Variants in PLEKHA3 observed in about 807,000 individuals in gnomAD.
PLEKHA3 encodes pleckstrin homology domain containing A3.
PLEKHA3 carries 19 observed loss-of-function variants against 39.2 expected under a neutral mutation model. The ratio of observed to expected loss-of-function variants is 0.48; its 90% CI spans 0.34 to 0.71. The LOEUF (loss-of-function observed/expected upper bound fraction) is 0.71, where lower values mean the gene tolerates loss of function less well. Ranked by LOEUF, PLEKHA3 falls within the 30% of genes least tolerant of loss-of-function variation. The probability of loss-of-function intolerance (pLI) is 0.01; values close to 1 mark genes in which losing one functional copy is unlikely to be tolerated. For missense variants in PLEKHA3, 253 were observed against 359.5 expected (o/e 0.70, Z 2.40); for synonymous variants, 97 against 118.6 (o/e 0.82, Z 1.18).
At chr2:178,485,567 T>C (rs533671034) in intron 1 of PLEKHA3, 74 bp from the exon 2 acceptor site, 1 of 906,598 alleles carries the variant, frequency 1.1e-6, no homozygotes, top group African/African-American at 1.7e-5. Context: ...ATGGCAGGTT[T>C]TGAAATCACA....
chr2:178,512,479 T>C lies in PLEKHA3; in HGVS notation c.*8592T>C, dbSNP rs1263652744. 6.6e-6 allele frequency: 1 copy of C among 152,248 alleles called. No individual in the cohort carries two copies. Among genetic ancestry groups the C allele is most frequent in the Admixed American group, 6.5e-5 (1 of 15,288 alleles). 9.4% of individuals were successfully genotyped at this position (152,248 alleles called of 1,614,324 possible). Reference sequence around the variant, plus strand: ...AGGGTGCTGTTGATAATCTCTGTGCTTTTGCAAGTTTGGCACAAAGACTTT... The same window carrying C: ...AGGGTGCTGTTGATAATCTCTGTGCCTTTGCAAGTTTGGCACAAAGACTTT... On this transcript the variant is annotated 3_prime_UTR_variant, in exon 8 of 8. Coordinates refer to ENST00000234453, the MANE Select transcript of PLEKHA3 (RefSeq NM_019091.4).
At chr2:178,494,069 C>T in intron 4 of PLEKHA3, 80 bp downstream of exon 4, 1 of 1,464,430 alleles carries the variant, frequency 6.8e-7, no homozygotes, top group Non-Finnish European at 9.2e-7. Flanking sequence ...CATAAGATGA[C>T]AGGCATTTTC....
intron 3 of PLEKHA3, among the ~76,000 whole-genome samples, chr2:178,491,850 C>T (rs1047166053): frequency 6.6e-6 from 1 of 151,872 alleles, no homozygotes; most frequent in African/African-American, 2.4e-5. Context: ...CATAGCATGG[C>T]GGAGGAAGCA....
rs1685627866 is a variant in PLEKHA3 at position 178,507,785 on chromosome 2, T to C, written c.*3898T>C. 1 of 151,782 alleles carries C rather than the reference T, an allele frequency of 6.6e-6. No individual in the cohort carries two copies. Among genetic ancestry groups the C allele is most frequent in the Non-Finnish European group, 1.5e-5 (1 of 67,622 alleles). 9.4% of individuals were successfully genotyped at this position (151,782 alleles called of 1,614,324 possible). ...TACAGGTCTGAAAATGTCTCTACTC[T>C]TGATTGGTAGTTTGGAGTCTGGAAA... On this transcript the variant is annotated 3_prime_UTR_variant, in exon 8 of 8. Transcript: ENST00000234453.
chr2:178,489,152 T>C lies in PLEKHA3; in HGVS notation c.158-1507T>C, dbSNP rs559362915. On this transcript the variant is annotated intron_variant, in intron 2 of 7. Coordinates refer to ENST00000234453, the MANE Select transcript of PLEKHA3 (RefSeq NM_019091.4). ...AAGTAGCAAGGAAGAGTTACTCTTA[T>C]AGCTTTAGGAGTTCAGTAGTTTTAC... The C allele has an allele frequency of 2.1e-5, 6 of 289,484 alleles. No individual in the cohort carries two copies. In the East Asian group the frequency reaches 3.0e-4, roughly 14 times the overall value. The allele number at this position is 289,484 out of a possible 1,614,324, so 17.9% of individuals were successfully genotyped here.
At chr2:178,503,118 A>G (rs754958842) in intron 7 of PLEKHA3, among the ~76,000 whole-genome samples, 1 of 152,056 alleles carries the variant, frequency 6.6e-6, no homozygotes, top group Non-Finnish European at 1.5e-5. Context: ...GGTAAACTCA[A>G]ACTATATATA....
At position 178,481,054 on chromosome 2, in the gene PLEKHA3, C is replaced by G. The variant is rs545346223; in HGVS notation, c.40+145C>G. 1.0e-5 allele frequency: 7 copies of G among 703,412 alleles called. No homozygotes were observed. The South Asian group carries it at 3.9e-4, about 40-fold the overall frequency. The allele number at this position is 703,412 out of a possible 1,614,324, so 43.6% of individuals were successfully genotyped here. A position where few individuals can be genotyped will look rare whatever the true frequency, so the allele number is the denominator to read the frequency against. ...CGATTCCAGGGCTTGTTGAGTCCTT[C>G]TGGCCTCTTCAGGGGAGGGTTTGAG... On this transcript the variant is annotated intron_variant, in intron 1 of 7. Coordinates refer to ENST00000234453, the MANE Select transcript of PLEKHA3 (RefSeq NM_019091.4).
In PLEKHA3 at chr2:178,487,630, G is replaced by T. The variant is rs1685270940; in HGVS notation, c.157+1873G>T. Among the ~76,000 whole-genome samples the T allele has an allele frequency of 2.6e-5, 4 of 152,124 alleles. No homozygotes were observed. In the South Asian group the frequency reaches 8.3e-4, roughly 32 times the overall value. On this transcript the variant is annotated intron_variant, in intron 2 of 7. Coordinates refer to ENST00000234453, the MANE Select transcript of PLEKHA3 (RefSeq NM_019091.4). ...ATTTTTATGTTTTTTGTAGAGATGG[G>T]ATTTCACCGTGTTGCAAAAACCAGG...
chr2:178,486,588 G>A (rs1335628904), intron 2 of PLEKHA3, among the ~76,000 whole-genome samples: 1 of 144,064 alleles, frequency 6.9e-6, no homozygotes, highest in Non-Finnish European at 1.5e-5. Flanking sequence ...CCATACATAA[G>A]TGTTGTCTTT....
At position 178,511,955 on chromosome 2, in the gene PLEKHA3, T is replaced by C. The variant is rs540703994; in HGVS notation, c.*8068T>C. 1 of 152,362 alleles carries C rather than the reference T, an allele frequency of 6.6e-6. No homozygotes were observed. Among genetic ancestry groups the C allele is most frequent in the African/African-American group, 2.4e-5 (1 of 41,578 alleles). The allele number at this position is 152,362 out of a possible 1,614,324, so 9.4% of individuals were successfully genotyped here. ...TTCCCCAAAAAGTTTTTTGTTGGTC[T>C]CTTTGGTAATAAAACATTTAGAGCA... On this transcript the variant is annotated 3_prime_UTR_variant, in exon 8 of 8. Transcript: ENST00000234453.
At chr2:178,497,951 A>T (rs1685473236) in intron 5 of PLEKHA3, among the ~76,000 whole-genome samples, 1 of 151,704 alleles carries the variant, frequency 6.6e-6, no homozygotes, top group South Asian at 2.1e-4. Flanking sequence ...TTTTTTTTTT[A>T]AATAACATTG....
intron 4 of PLEKHA3, among the ~76,000 whole-genome samples, chr2:178,495,115 G>C (rs1685420358): frequency 6.6e-6 from 1 of 152,086 alleles, no homozygotes; most frequent in African/African-American, 2.4e-5. Flanking sequence ...GAATTGTACT[G>C]CCACTAATTA....
intron 4 of PLEKHA3, 100 bp from the exon 5 acceptor site, chr2:178,495,396 A>C: frequency 9.1e-7 from 1 of 1,103,700 alleles, no homozygotes; most frequent in Admixed American, 2.3e-5. Flanking sequence ...ATAACATAGT[A>C]ATGTGTCTGT....
At chr2:178,482,983 C>T (rs1451684040) in intron 1 of PLEKHA3, among the ~76,000 whole-genome samples, 1 of 152,094 alleles carries the variant, frequency 6.6e-6, no homozygotes, top group Non-Finnish European at 1.5e-5. Context: ...GTTGTTCAGG[C>T]ACGGTGGCTC....
At position 178,507,385 on chromosome 2, in the gene PLEKHA3, G is replaced by T. The variant is rs770759749; in HGVS notation, c.*3498G>T. 1.3e-5 allele frequency: 2 copies of T among 152,040 alleles called. No homozygotes were observed. Among genetic ancestry groups the T allele is most frequent in the Non-Finnish European group, 2.9e-5 (2 of 68,002 alleles). The allele number at this position is 152,040 out of a possible 1,614,324, so 9.4% of individuals were successfully genotyped here. ...ATCATTATTTCCTTTTTACTAGAAT[G>T]TTATTTTTTCTGGGGTTGGTATTGC... On this transcript the variant is annotated 3_prime_UTR_variant, in exon 8 of 8. Coordinates refer to ENST00000234453, the MANE Select transcript of PLEKHA3 (RefSeq NM_019091.4).
chr2:178,501,271 A>G lies in PLEKHA3; in HGVS notation c.775+95A>G, dbSNP rs1221425829. On this transcript the variant is annotated intron_variant, in intron 7 of 7. Transcript: ENST00000234453. ...TGGAAATGAAGTATACTGACTGAACATTGTACTTTGTTTCTTTGATTCCTT... is the reference window on the plus strand; with the variant it reads ...TGGAAATGAAGTATACTGACTGAACGTTGTACTTTGTTTCTTTGATTCCTT... The G allele has an allele frequency of 8.1e-6, 7 of 859,688 alleles. No homozygotes were observed. The East Asian group carries it at 1.8e-4, about 22-fold the overall frequency. The allele number at this position is 859,688 out of a possible 1,614,324, so 53.3% of individuals were successfully genotyped here. A position where few individuals can be genotyped will look rare whatever the true frequency, so the allele number is the denominator to read the frequency against.
intron 2 of PLEKHA3, among the ~76,000 whole-genome samples, chr2:178,486,113 A>G (rs1326985040): frequency 6.6e-6 from 1 of 152,132 alleles, no homozygotes; most frequent in African/African-American, 2.4e-5. Context: ...TGGAGGCTGA[A>G]CTCTAAAGAT....
intron 1 of PLEKHA3, among the ~76,000 whole-genome samples, chr2:178,482,226 G>A (rs908310084): frequency 3.3e-5 from 5 of 152,108 alleles, no homozygotes; most frequent in Admixed American, 3.3e-4. Flanking sequence ...CAGTTATACT[G>A]TTTGGTTGAG....
At chr2:178,480,984 C>T (rs1323782091) in intron 1 of PLEKHA3, 75 bp downstream of exon 1, 1 of 1,258,394 alleles carries the variant, frequency 7.9e-7, no homozygotes, top group Non-Finnish European at 1.0e-6. Context: ...GGCTCCTCTT[C>T]CTCCGTCTGG....
Sources: gnomAD v4.1 joint callset for allele counts (sites outside exome capture counted in the v4.1 genomes callset) on GRCh38, gnomAD v4.1.1 for gene constraint, MANE v1.5 for transcripts, NCBI Gene and HGNC (gene_info 2026-07-23, HGNC 2026-07-21) for gene names.